Variants in SEMA3F observed in about 807,000 individuals in gnomAD.
The protein encoded by SEMA3F is semaphorin 3F, also known as semaphorin-3F.
Under a neutral mutation model 98.5 loss-of-function variants are expected in SEMA3F, and 30 were observed. The observed-to-expected ratio is 0.30, with a 90% CI of 0.23 to 0.41. SEMA3F has a LOEUF of 0.41. SEMA3F is among the 10% of genes least tolerant of loss of function. SEMA3F has a pLI of 1.00. For missense variants in SEMA3F, 866 were observed against 1,119.3 expected (o/e 0.77, Z 3.23); for synonymous variants, 380 against 444.8 (o/e 0.85, Z 1.83).
chr3:50,161,226 A>G (rs138689006), intron 2 of SEMA3F, among the ~76,000 whole-genome samples: 7 of 152,264 alleles, frequency 4.6e-5, no homozygotes, highest in Non-Finnish European at 8.8e-5. Flanking sequence ...GTCATCATGC[A>G]TGCAAGTAAG....
rs1698768241 is a variant in SEMA3F, at chr3:50,175,285, C to T, written c.549+97C>T. The T allele has an allele frequency of 4.1e-5, 34 of 830,340 alleles. No homozygotes were observed. The South Asian group carries it at 4.3e-4, about 11-fold the overall frequency. The allele number at this position is 830,340 out of a possible 1,614,324, so 51.4% of individuals were successfully genotyped here. A position where few individuals can be genotyped will look rare whatever the true frequency, so the allele number is the denominator to read the frequency against. On this transcript the variant is annotated intron_variant, in intron 6 of 18. Transcript: ENST00000002829. Reference sequence around the variant, plus strand: ...TGAGGCCAGCCTCCCCAGGGCCTCCCCTCTACCTCTGTGCCCACACCCTGT... The same window carrying T: ...TGAGGCCAGCCTCCCCAGGGCCTCCTCTCTACCTCTGTGCCCACACCCTGT...
chr3:50,174,037 C>T lies in SEMA3F; in HGVS notation c.274-15C>T, dbSNP rs776757060. ...ATGTCCAGAAGGCTGCACCTTCTGA[C>T]CCCCCTCTCTGCAGATACACTGGGC... On this transcript the variant is annotated splice_polypyrimidine_tract_variant and intron_variant, in intron 3 of 18. Coordinates refer to ENST00000002829, the MANE Select transcript of SEMA3F (RefSeq NM_004186.5). The T allele has an allele frequency of 1.2e-6, 2 of 1,614,004 alleles. No individual in the cohort carries two copies. The highest frequency in any genetic ancestry group is 1.7e-6 in the Non-Finnish European group (2 of 1,179,970).
intron 1 of SEMA3F, among the ~76,000 whole-genome samples, chr3:50,157,944 G>T (rs553908015): frequency 6.6e-6 from 1 of 152,176 alleles, no homozygotes; most frequent in Non-Finnish European, 1.5e-5. Context: ...GGCATCTTGC[G>T]CCAGGACAGT....
intron 12 of SEMA3F, 25 bp from the exon 13 acceptor site, chr3:50,184,567 A>T: frequency 6.3e-7 from 1 of 1,591,214 alleles, no homozygotes; most frequent in Non-Finnish European, 8.6e-7. Context: ...GCAGCCTGGG[A>T]CTGACACTCG....
rs1490832808 is a variant in SEMA3F at position 50,155,464 on chromosome 3, G to C, written c.-149G>C. On this transcript the variant is annotated 5_prime_UTR_variant, in exon 1 of 19. Coordinates refer to ENST00000002829, the MANE Select transcript of SEMA3F (RefSeq NM_004186.5). The surrounding 1 kb of genome is among the most constrained non-coding windows in gnomAD (Gnocchi z 4.9). ...CGCAGCGGCGAGAGGTCGCGGGCAG[G>C]GCCATGGCCCCGGGGGGCCGCTAGC... The C allele has an allele frequency of 2.0e-5, 6 of 300,342 alleles. No homozygotes were observed. The East Asian group carries it at 3.4e-4, about 17-fold the overall frequency. 18.6% of individuals were successfully genotyped at this position (300,342 alleles called of 1,614,324 possible).
rs1441716459 is a variant in SEMA3F at position 50,183,164 on chromosome 3, C to T, written c.1019-22C>T. 3.7e-6 allele frequency: 6 copies of T among 1,613,042 alleles called. No homozygotes were observed. The Admixed American group carries it at 6.7e-5, about 18-fold the overall frequency. On this transcript the variant is annotated intron_variant, in intron 10 of 18. Transcript: ENST00000002829. ...GGCTCCCGCCCATGGCACCCTCCAA[C>T]ACCTTCTCCCTCTGTCCCCAGAGGA...
chr3:50,162,492 C>T (rs1698244885), intron 2 of SEMA3F, among the ~76,000 whole-genome samples: 1 of 152,222 alleles, frequency 6.6e-6, no homozygotes, highest in Non-Finnish European at 1.5e-5. Flanking sequence ...GGAGCCTGGG[C>T]TGGAAGCCTG....
chr3:50,182,511 A>C lies in SEMA3F; in HGVS notation c.763+108A>C. ...GTGGGGACATGTTTAGCCTATGACT[A>C]CCTGGGGCAGGGGTAGTTTCTTATC... On this transcript the variant is annotated intron_variant, in intron 8 of 18. Transcript: ENST00000002829. The surrounding 1 kb of genome is among the most constrained non-coding windows in gnomAD (Gnocchi z 4.5). The C allele has an allele frequency of 2.5e-6, 4 of 1,578,366 alleles. No individual in the cohort carries two copies. Among genetic ancestry groups the C allele is most frequent in the Non-Finnish European group, 3.5e-6 (4 of 1,156,852 alleles).
chr3:50,185,770 C>A (rs1699190466), intron 15 of SEMA3F, 63 bp downstream of exon 15: 1 of 1,610,996 alleles, frequency 6.2e-7, no homozygotes, highest in Admixed American at 1.7e-5. Flanking sequence ...AGGGTCATGC[C>A]CTTGGCACAG....
chr3:50,174,084 G>C lies in SEMA3F; in HGVS notation c.306G>C (p.Glu102Asp), dbSNP rs1295572078. ...IHWAASPQRI[E>D]ECVLSGKDVN... is the part of the protein sequence containing the mutation. ...GGGCAGCCTCCCCACAGCGCATCGA[G>C]GAATGCGTGCTCTCAGGCAAGGATG... is the stretch of plus-strand genomic sequence containing the variant. Residue 102 changes from glutamate (E) to aspartate (D), a missense_variant, in exon 4 of 19, where the codon GAG becomes GAC. This residue lies in a region of SEMA3F where 247 missense variants were observed against 276.0 expected (regional missense o/e 0.89). Transcript: ENST00000002829. The C allele has an allele frequency of 6.2e-7, 1 of 1,614,124 alleles. No homozygotes were observed. Among genetic ancestry groups the C allele is most frequent in the East Asian group, 2.2e-5 (1 of 44,876 alleles).
chr3:50,175,959 C>T (rs1698793312), intron 6 of SEMA3F, among the ~76,000 whole-genome samples: 1 of 152,172 alleles, frequency 6.6e-6, no homozygotes, highest in African/African-American at 2.4e-5. Context: ...ATCCTGCCAC[C>T]TGCTGCCACC....
Position 50,173,782 on chromosome 3 carries a change from TCCAC to T in SEMA3F, c.113-6_113-3del. ...GAAGGTCCTAATTGGTGCCCTGCCC[TCCAC>T]CCACAGAGCTGAAGGCCACAGGCAC... On this transcript the variant is annotated splice_polypyrimidine_tract_variant and splice_region_variant and intron_variant, in intron 2 of 18. Coordinates refer to ENST00000002829, the MANE Select transcript of SEMA3F (RefSeq NM_004186.5). 6.2e-7 allele frequency: 1 copy of T among 1,613,470 alleles called. No homozygotes were observed. Among genetic ancestry groups the T allele is most frequent in the Admixed American group, 1.7e-5 (1 of 59,984 alleles).
At chr3:50,168,175 G>T (rs915250313) in intron 2 of SEMA3F, among the ~76,000 whole-genome samples, 1 of 152,086 alleles carries the variant, frequency 6.6e-6, no homozygotes, top group Non-Finnish European at 1.5e-5. Context: ...AATCTGGAAG[G>T]CCTGGCTAGA....
chr3:50,187,600 G>T, intron 18 of SEMA3F, 105 bp from the exon 19 acceptor site: 1 of 856,584 alleles, frequency 1.2e-6, no homozygotes. Context: ...AATCCCACAT[G>T]GGTGCCTCTA....
At position 50,159,619 on chromosome 3, in the gene SEMA3F, C is replaced by T. The variant is rs975178521; in HGVS notation, c.-4C>T. On this transcript the variant is annotated 5_prime_UTR_variant, in exon 2 of 19. Transcript: ENST00000002829. ...TGCTTCCTGGGCCCTAGGCCCCTCCCACAATGCTTGTCGCCGGTCTTCTTC... is the reference window on the plus strand; with the variant it reads ...TGCTTCCTGGGCCCTAGGCCCCTCCTACAATGCTTGTCGCCGGTCTTCTTC... 4 of 1,594,892 alleles carry T rather than the reference C, an allele frequency of 2.5e-6. No individual in the cohort carries two copies. Among genetic ancestry groups the T allele is most frequent in the Non-Finnish European group, 3.4e-6 (4 of 1,166,064 alleles).
intron 7 of SEMA3F, among the ~76,000 whole-genome samples, chr3:50,181,835 G>C (rs1446481485): frequency 6.6e-6 from 1 of 151,706 alleles, no homozygotes; most frequent in Non-Finnish European, 1.5e-5. Context: ...GGCCAGGCTG[G>C]CTTCCAGCTC....
intron 7 of SEMA3F, among the ~76,000 whole-genome samples, chr3:50,179,429 G>T (rs945865132): frequency 4.6e-5 from 7 of 151,176 alleles, no homozygotes; most frequent in Non-Finnish European, 1.5e-5. Context: ...GGGTTCAAGC[G>T]ATTCTCCTGC....
chr3:50,174,125 T>TGGGATCCACAGGTGGGAAGGG lies in SEMA3F; in HGVS notation c.336+14_336+34dup. On this transcript the variant is annotated intron_variant, in intron 4 of 18. Transcript: ENST00000002829. The stretch of plus-strand genomic sequence containing the variant: ...GGCAAGGATGTCAACGTGAGTTTGG[T>TGGGATCCACAGGTGGGAAGGG]GGGATCCACAGGTGGGAAGGGGGAA... 2 of 1,614,012 alleles carry TGGGATCCACAGGTGGGAAGGG rather than the reference T, an allele frequency of 1.2e-6. No individual in the cohort carries two copies. The highest frequency in any genetic ancestry group is 1.1e-5 in the South Asian group (1 of 91,084).
chr3:50,167,603 T>C (rs915032920), intron 2 of SEMA3F, among the ~76,000 whole-genome samples: 1 of 140,822 alleles, frequency 7.1e-6, no homozygotes, highest in African/African-American at 2.7e-5. Flanking sequence ...GAGGGAAGTG[T>C]ACAGTGGCGT....
Sources: gnomAD v4.1 joint callset for allele counts (sites outside exome capture counted in the v4.1 genomes callset) on GRCh38, gnomAD v4.1.1 for gene constraint, gnomAD v4.1.1 regional missense constraint, Gnocchi (gnomAD v3.1) non-coding constraint, MANE v1.5 for transcripts, NCBI Gene and HGNC (gene_info 2026-07-23, HGNC 2026-07-21) for gene names.